The following FGF12 variants were observed in gnomAD, a reference collection of about 807,000 sequenced individuals.
FGF12 encodes the protein fibroblast growth factor 12B.
Under a neutral mutation model 23.6 loss-of-function variants are expected in FGF12, and 14 were observed. That is an observed-to-expected ratio of 0.59 (90% confidence interval 0.39 to 0.93). FGF12 has a LOEUF of 0.93. FGF12 is among the 40% of genes least tolerant of loss of function. The pLI is 0.00. For synonymous variants in FGF12, 62 were observed against 77.3 expected, an observed-to-expected ratio of 0.80 and a Z score of 1.04; for missense variants, 175 against 217.8, an observed-to-expected ratio of 0.80 and a Z score of 1.24.
At chr3:192,285,108 GTGTTCAA>G (rs1206377214) in intron 4 of FGF12, among the ~76,000 whole-genome samples, 1 of 152,072 alleles carries the variant, frequency 6.6e-6, no homozygotes, top group Admixed American at 6.6e-5. Context: ...GACAAATGCA[GTGTTCAA>G]GTCTTGAGTA....
intron 2 of FGF12, among the ~76,000 whole-genome samples, chr3:192,454,610 G>T (rs1308269045): frequency 1.3e-5 from 2 of 152,212 alleles, no homozygotes; most frequent in African/African-American, 4.8e-5. Flanking sequence ...TAAACATGGT[G>T]CAAGGAGAGA....
intron 2 of FGF12, among the ~76,000 whole-genome samples, chr3:192,365,025 T>C (rs1718910861): frequency 6.6e-6 from 1 of 152,052 alleles, no homozygotes; most frequent in Non-Finnish European, 1.5e-5. Context: ...CCCCAGTCTA[T>C]TCATGAGAAA....
chr3:192,613,296 G>C (rs1013755229), intron 2 of FGF12, among the ~76,000 whole-genome samples: 1 of 151,786 alleles, frequency 6.6e-6, no homozygotes, highest in African/African-American at 2.4e-5. Flanking sequence ...TTTTATTTAT[G>C]AGCATTTTTA....
At chr3:192,474,614 G>A (rs1298226804) in intron 2 of FGF12, among the ~76,000 whole-genome samples, 3 of 152,144 alleles carry the variant, frequency 2.0e-5, no homozygotes, top group Non-Finnish European at 4.4e-5. Context: ...GGCCAGGTAC[G>A]GTGGCTCAGG....
intron 4 of FGF12, among the ~76,000 whole-genome samples, chr3:192,284,639 G>A (rs1714345518): frequency 6.6e-6 from 1 of 151,966 alleles, no homozygotes; most frequent in South Asian, 2.1e-4. Flanking sequence ...CACAGGGAGA[G>A]AGTAATGTTT....
intron 2 of FGF12, among the ~76,000 whole-genome samples, chr3:192,656,707 T>C (rs1033061576): frequency 2.0e-5 from 3 of 152,162 alleles, no homozygotes; most frequent in African/African-American, 7.2e-5. Flanking sequence ...CTCTCTCCAA[T>C]GTTGACAGTC....
intron 2 of FGF12, among the ~76,000 whole-genome samples, chr3:192,579,498 G>A (rs781420): frequency 0.5 from 76,626 of 152,032 alleles, 19,711 homozygotes; most frequent in African/African-American, 0.61. Context: ...CCCCTGGAGG[G>A]TAGGTAAGCT....
intron 2 of FGF12, among the ~76,000 whole-genome samples, chr3:192,540,266 A>G (rs1270174036): frequency 1.3e-5 from 2 of 152,204 alleles, no homozygotes; most frequent in African/African-American, 4.8e-5. Flanking sequence ...TTTTTGACGT[A>G]GGTAATTATA....
chr3:192,408,947 G>C lies in FGF12; in HGVS notation c.14-48409C>G, dbSNP rs938783346. On this transcript the variant is annotated intron_variant, in intron 2 of 5. Transcript: ENST00000445105. The surrounding 1 kb of genome is among the most constrained non-coding windows in gnomAD (Gnocchi z 7.3). ...CCGGCCACCCGAGTTCTGGAATTCCGAGAGGCGCGAAGTGGGAGCGGTTAC... is the reference window on the plus strand; with the variant it reads ...CCGGCCACCCGAGTTCTGGAATTCCCAGAGGCGCGAAGTGGGAGCGGTTAC... 3.0e-6 allele frequency: 3 copies of C among 985,292 alleles called. No homozygotes were observed. The highest frequency in any genetic ancestry group is 3.6e-6 in the Non-Finnish European group (3 of 829,972). 61.0% of individuals were successfully genotyped at this position (985,292 alleles called of 1,614,324 possible).
chr3:192,468,279 T>C (rs997706645), intron 2 of FGF12, among the ~76,000 whole-genome samples: 1 of 152,230 alleles, frequency 6.6e-6, no homozygotes, highest in Non-Finnish European at 1.5e-5. Context: ...AAATTAACAC[T>C]GGTACCATAG....
At chr3:192,483,066 A>C (rs1160759838) in intron 2 of FGF12, among the ~76,000 whole-genome samples, 1 of 152,116 alleles carries the variant, frequency 6.6e-6, no homozygotes, top group Non-Finnish European at 1.5e-5. Context: ...ACTCATCTTT[A>C]CAAGTTCTGC....
chr3:192,714,070 G>C (rs1718782147), intron 2 of FGF12, among the ~76,000 whole-genome samples: 1 of 151,960 alleles, frequency 6.6e-6, no homozygotes, highest in South Asian at 2.1e-4. Flanking sequence ...ACATTTTATT[G>C]AATGCTTATT....
At chr3:192,503,458 A>G (rs1724192045) in intron 2 of FGF12, among the ~76,000 whole-genome samples, 1 of 152,030 alleles carries the variant, frequency 6.6e-6, no homozygotes, top group South Asian at 2.1e-4. Flanking sequence ...CACCCAAGTT[A>G]TATGTTACAG....
intron 2 of FGF12, among the ~76,000 whole-genome samples, chr3:192,636,033 G>GTGTTTCT: frequency 6.6e-6 from 1 of 152,152 alleles, no homozygotes. Flanking sequence ...ACTGCACTGA[G>GTGTTTCT]GAAGATTCTG....
chr3:192,553,712 A>C (rs923794865), intron 2 of FGF12, among the ~76,000 whole-genome samples: 1 of 152,156 alleles, frequency 6.6e-6, no homozygotes, highest in African/African-American at 2.4e-5. Flanking sequence ...CCCGGCTCAG[A>C]GTTGTACAAT....
At chr3:192,375,517 C>A (rs1719446447) in intron 2 of FGF12, among the ~76,000 whole-genome samples, 1 of 152,142 alleles carries the variant, frequency 6.6e-6, no homozygotes, top group Non-Finnish European at 1.5e-5. Context: ...CGGCTAAAAA[C>A]TCAAATCCAC....
chr3:192,445,596 C>G (rs1364913097), intron 2 of FGF12, among the ~76,000 whole-genome samples: 2 of 152,120 alleles, frequency 1.3e-5, no homozygotes, highest in Non-Finnish European at 2.9e-5. Context: ...TATTTTAGCT[C>G]ATCAGAGATC....
At chr3:192,246,904 G>T (rs117698463) in intron 4 of FGF12, among the ~76,000 whole-genome samples, 1,743 of 128,484 alleles carry the variant, frequency 0.014, 40 homozygotes, top group East Asian at 0.046. Context: ...GAAGAAAGAA[G>T]AAAGAAAGAG....
intron 2 of FGF12, among the ~76,000 whole-genome samples, chr3:192,696,009 G>A (rs1718109667): frequency 6.6e-6 from 1 of 152,192 alleles, no homozygotes; most frequent in Non-Finnish European, 1.5e-5. Flanking sequence ...TAAGGCAGGA[G>A]AATCACTTGA....
Sources: gnomAD v4.1 joint callset for allele counts (sites outside exome capture counted in the v4.1 genomes callset) on GRCh38, gnomAD v4.1.1 for gene constraint, Gnocchi (gnomAD v3.1) non-coding constraint, MANE v1.5 for transcripts, NCBI Gene and HGNC (gene_info 2026-07-23, HGNC 2026-07-21) for gene names.